The following RILPL1 variants were observed in gnomAD, a reference collection of about 807,000 sequenced individuals.
RILPL1 encodes the protein RILP-like protein 1.
Under a neutral mutation model 50.3 loss-of-function variants are expected in RILPL1, and 33 were observed. The ratio of observed to expected loss-of-function variants is 0.66; its 90% CI spans 0.50 to 0.88. RILPL1 has a LOEUF of 0.88. RILPL1 is among the 40% of genes least tolerant of loss of function. The pLI, the probability that RILPL1 is intolerant of heterozygous loss-of-function variation, is 0.00. For missense variants in RILPL1, 418 were observed against 542.5 expected, an observed-to-expected ratio of 0.77 and a Z score of 2.28; for synonymous variants, 205 against 228.6, an observed-to-expected ratio of 0.90 and a Z score of 0.93.
At position 123,533,509 on chromosome 12, in the gene RILPL1, C is replaced by T. The variant is rs1342657037; in HGVS notation, c.-27G>A. On this transcript the variant is annotated 5_prime_UTR_variant, in exon 1 of 7. Coordinates refer to ENST00000376874, the MANE Select transcript of RILPL1 (RefSeq NM_178314.5). This position sits in a 1 kb window ranked among gnomAD's most constrained non-coding sequence, Gnocchi z 6.2. ...GCCACCCTCCTGGCCTGTCCCCCGCCCCGCAAACTCGTGCAACTCCCAAAC... is the reference window on the plus strand; with the variant it reads ...GCCACCCTCCTGGCCTGTCCCCCGCTCCGCAAACTCGTGCAACTCCCAAAC... 3 of 1,472,486 alleles carry T rather than the reference C, an allele frequency of 2.0e-6. No homozygotes were observed. Among genetic ancestry groups the T allele is most frequent in the East Asian group, 2.6e-5 (1 of 38,124 alleles). The allele number at this position is 1,472,486 out of a possible 1,614,324, so 91.2% of individuals were successfully genotyped here. A position where few individuals can be genotyped will look rare whatever the true frequency, so the allele number is the denominator to read the frequency against.
At chr12:123,478,392 C>T (rs1453259904) in intron 6 of RILPL1, among the ~76,000 whole-genome samples, 1 of 152,032 alleles carries the variant, frequency 6.6e-6, no homozygotes, top group Non-Finnish European at 1.5e-5. Context: ...TCTAGAGGTA[C>T]AGCTATTTCC....
chr12:123,528,573 G>A (rs28450070), intron 1 of RILPL1, among the ~76,000 whole-genome samples: 83,653 of 151,000 alleles, frequency 0.55, 25,181 homozygotes, highest in East Asian at 0.9. Context: ...GACCACAGGC[G>A]CCCGCCACCA....
chr12:123,504,327 C>T (rs763217484), intron 2 of RILPL1, among the ~76,000 whole-genome samples: 1 of 152,114 alleles, frequency 6.6e-6, no homozygotes. Context: ...GACTTTCCCC[C>T]CCGGGTGCGC....
chr12:123,497,098 C>T (rs954801104), intron 4 of RILPL1, among the ~76,000 whole-genome samples: 3 of 152,196 alleles, frequency 2.0e-5, no homozygotes, highest in Non-Finnish European at 2.9e-5. Context: ...GCAGCTCATC[C>T]GTGCTGCCGC....
chr12:123,486,035 C>T (rs989171045), intron 4 of RILPL1, among the ~76,000 whole-genome samples: 6 of 152,160 alleles, frequency 3.9e-5, no homozygotes, highest in Non-Finnish European at 7.3e-5. Flanking sequence ...GCCGAACCCA[C>T]GGACCCCGCA....
Position 123,485,786 on chromosome 12 carries a change from T to C in RILPL1, c.821A>G (p.Glu274Gly), listed in dbSNP as rs1423362208. Residue 274 changes from glutamate (E) to glycine (G), a missense_variant, in exon 5 of 7, where the codon GAG (glutamate) becomes GGG (glycine). Coordinates refer to ENST00000376874, the MANE Select transcript of RILPL1 (RefSeq NM_178314.5). This position sits in a 1 kb window ranked among gnomAD's most constrained non-coding sequence, Gnocchi z 4.0. ...EEPETEPVGEESISDAEKVAM... is the reference protein window; with the variant it reads ...EEPETEPVGEGSISDAEKVAM... ...CACCTTCTCTGCGTCGGAGATGCTC[T>C]CCTCTCCCACCGGCTCCGTCTGGAG... The C allele has an allele frequency of 6.2e-7, 1 of 1,608,438 alleles. No individual in the cohort carries two copies. Among genetic ancestry groups the C allele is most frequent in the Admixed American group, 1.7e-5 (1 of 58,770 alleles).
chr12:123,502,080 CAAAAAAA>C (rs35609573), intron 2 of RILPL1, among the ~76,000 whole-genome samples: 2 of 98,538 alleles, frequency 2.0e-5, no homozygotes, highest in Non-Finnish European at 4.4e-5. Flanking sequence ...AACTTCGTCT[CAAAAAAA>C]AAAAAAAAAA....
In RILPL1 at chr12:123,503,967, C is replaced by T. The variant is rs1883569235; in HGVS notation, c.461-4431G>A. On this transcript the variant is annotated intron_variant, in intron 2 of 6. Coordinates refer to ENST00000376874, the MANE Select transcript of RILPL1 (RefSeq NM_178314.5). ...AGTGAGCCGAGATGGCGCCACTGCA[C>T]TCCAGCCTGGGTGATAGAGCGAGAC... 3.4e-5 allele frequency among the ~76,000 whole-genome samples: 5 copies of T among 148,772 alleles called. No homozygotes were observed. The South Asian group carries it at 1.1e-3, about 32-fold the overall frequency.
intron 6 of RILPL1, among the ~76,000 whole-genome samples, chr12:123,480,125 G>A (rs1309990929): frequency 6.6e-6 from 1 of 151,558 alleles, no homozygotes; most frequent in Non-Finnish European, 1.5e-5. Context: ...CAGTACATTG[G>A]AAGTGAAAGT....
rs1476021753 is a variant in RILPL1 at position 123,470,616 on chromosome 12, T to C, written c.*1922A>G. ...CTGGCCAACATGGTGAAACCCCGTC[T>C]TTACTAAAAATACAAAAATTAGTCA... is the stretch of plus-strand genomic sequence containing the variant. On this transcript the variant is annotated 3_prime_UTR_variant, in exon 7 of 7. Coordinates refer to ENST00000376874, the MANE Select transcript of RILPL1 (RefSeq NM_178314.5). 1 of 152,030 alleles carries C rather than the reference T, an allele frequency of 6.6e-6. No individual in the cohort carries two copies. The highest frequency in any genetic ancestry group is 1.9e-4 in the East Asian group (1 of 5,198). The allele number at this position is 152,030 out of a possible 1,614,324, so 9.4% of individuals were successfully genotyped here.
chr12:123,475,864 G>T, intron 6 of RILPL1: 7 of 614,292 alleles, frequency 1.1e-5, no homozygotes, highest in South Asian at 3.6e-5. Context: ...GTTAGCGGTT[G>T]AATTGTGTCA....
intron 2 of RILPL1, among the ~76,000 whole-genome samples, chr12:123,509,726 C>G (rs746299331): frequency 4.6e-5 from 7 of 152,204 alleles, no homozygotes; most frequent in Admixed American, 2.0e-4. Context: ...ACGTGGACGT[C>G]GTTTTCGTCA....
chr12:123,509,416 A>G (rs1158273100), intron 2 of RILPL1, among the ~76,000 whole-genome samples: 1 of 151,902 alleles, frequency 6.6e-6, no homozygotes, highest in East Asian at 1.9e-4. Flanking sequence ...ATACAAAATT[A>G]GCCAGGCATG....
At position 123,522,083 on chromosome 12, in the gene RILPL1, C is replaced by T. The variant is rs966779791; in HGVS notation, c.460+1412G>A. Among the ~76,000 whole-genome samples, 1 of 152,108 alleles carries T rather than the reference C, an allele frequency of 6.6e-6. No individual in the cohort carries two copies. Among genetic ancestry groups the T allele is most frequent in the Non-Finnish European group, 1.5e-5 (1 of 68,014 alleles). On this transcript the variant is annotated intron_variant, in intron 2 of 6. Transcript: ENST00000376874. The surrounding 1 kb of genome is among the most constrained non-coding windows in gnomAD (Gnocchi z 4.0). Reference sequence around the variant, plus strand: ...ACTGTGCCTGGCCTTTAGTGCCATACTTGATTCTGCAGAGAGGTCACCACA... The same window carrying T: ...ACTGTGCCTGGCCTTTAGTGCCATATTTGATTCTGCAGAGAGGTCACCACA...
In RILPL1 at chr12:123,475,965, G is replaced by A. The variant is rs147174890; in HGVS notation, c.1068-3283C>T. 1,895 of 464,488 alleles carry A rather than the reference G, an allele frequency of 4.1e-3. 38 individuals are homozygous for A. The highest frequency in any genetic ancestry group is 0.034 in the African/African-American group (1,594 of 47,314). 28.8% of individuals were successfully genotyped at this position (464,488 alleles called of 1,614,324 possible). A position where few individuals can be genotyped will look rare whatever the true frequency, so the allele number is the denominator to read the frequency against. The stretch of plus-strand genomic sequence containing the variant: ...CTCGTCCAGGCTGGAGTGCGGTGGC[G>A]CAATCTCAGCTTACTGCAACCTCCT... On this transcript the variant is annotated intron_variant, in intron 6 of 6. Transcript: ENST00000376874.
At chr12:123,488,728 G>A (rs1593545387) in intron 4 of RILPL1, among the ~76,000 whole-genome samples, 1 of 152,184 alleles carries the variant, frequency 6.6e-6, no homozygotes. Context: ...CCTTGGGGTC[G>A]GAGTCAGCAC....
chr12:123,523,428 A>G, intron 2 of RILPL1, 67 bp downstream of exon 2: 1 of 1,590,416 alleles, frequency 6.3e-7, no homozygotes, highest in Non-Finnish European at 8.6e-7. Flanking sequence ...GGTGGCGACA[A>G]TCGCTGATGT....
intron 2 of RILPL1, among the ~76,000 whole-genome samples, chr12:123,502,051 GC>G (rs905760661): frequency 3.3e-4 from 48 of 144,432 alleles, no homozygotes; most frequent in African/African-American, 1.2e-3. Context: ...CTGTACTCCA[GC>G]CTGGGCAACA....
chr12:123,512,967 GTGTGTGAGGTC>G (rs1306138081), intron 2 of RILPL1, among the ~76,000 whole-genome samples: 1 of 145,718 alleles, frequency 6.9e-6, no homozygotes, highest in African/African-American at 2.5e-5. Flanking sequence ...TGTGTGTGGT[GTGTGTGAGGTC>G]TGTGTGTGGT....
Sources: allele counts gnomAD v4.1 joint callset (sites outside exome capture counted in the v4.1 genomes callset), GRCh38; gene constraint gnomAD v4.1.1; non-coding constraint Gnocchi (gnomAD v3.1); transcripts MANE v1.5; gene names NCBI Gene and HGNC (gene_info 2026-07-23, HGNC 2026-07-21).